The following BBS10 variants were observed in gnomAD, a reference collection of about 807,000 sequenced individuals.
BBS10 encodes Bardet-Biedl syndrome 10, also known as BBSome complex assembly protein BBS10.
Under a neutral mutation model 12.7 loss-of-function variants are expected in BBS10, and 13 were observed. The ratio of observed to expected loss-of-function variants is 1.03; its 90% confidence interval spans 0.67 to 1.63. The LOEUF (loss-of-function observed/expected upper bound fraction) is 1.63, where lower values mean the gene tolerates loss of function less well. BBS10 is among the 40% of genes most tolerant of loss of function. The pLI is 0.00. For synonymous variants in BBS10, 294 were observed against 304.8 expected, an observed-to-expected ratio of 0.96 and a Z score of 0.37; for missense variants, 858 against 858.0, an observed-to-expected ratio of 1.00 and a Z score of 0.00.
chr12:76,348,056 C>T, intron 1 of BBS10, 106 bp downstream of exon 1: 1 of 1,338,130 alleles, frequency 7.5e-7, no homozygotes, highest in Admixed American at 2.3e-5. Context: ...AGCGGTTTCA[C>T]CCGAGGTCAG....
intron 1 of BBS10, 48 bp downstream of exon 1, chr12:76,348,114 G>A (rs1179144824): frequency 1.9e-6 from 3 of 1,563,982 alleles, no homozygotes; most frequent in Non-Finnish European, 8.7e-7. Flanking sequence ...GCTCCACAGA[G>A]GCTGCCTGGG....
Position 76,345,772 on chromosome 12 carries a change from T to G in BBS10, c.*41A>C. ...GGTCACATGACTGCTTTACTTGGCTTGAGTTAGATGAAAAGTTTGGTTAAT... is the reference window on the plus strand; with the variant it reads ...GGTCACATGACTGCTTTACTTGGCTGGAGTTAGATGAAAAGTTTGGTTAAT... On this transcript the variant is annotated 3_prime_UTR_variant, in exon 2 of 2. Transcript: ENST00000650064. The G allele has an allele frequency of 1.3e-5, 20 of 1,567,080 alleles. No homozygotes were observed. The highest frequency in any genetic ancestry group is 2.2e-5 in the East Asian group (1 of 44,576).
rs1393527476 is a variant in BBS10, at chr12:76,348,408, C to G, written c.-50G>C. 6 of 1,542,104 alleles carry G rather than the reference C, an allele frequency of 3.9e-6. No homozygotes were observed. The highest frequency in any genetic ancestry group is 3.9e-5 in the Admixed American group (2 of 51,054). ...CCAGCTTGCAGAACACCCGGGCCGA[C>G]CGAAAACAGGGGTGGGAACGGCCGG... On this transcript the variant is annotated 5_prime_UTR_variant, in exon 1 of 2. Coordinates refer to ENST00000650064, the MANE Select transcript of BBS10 (RefSeq NM_024685.4).
chr12:76,346,508 A>G lies in BBS10; in HGVS notation c.1477T>C (p.Leu493=), dbSNP rs543722869. 27 of 1,614,086 alleles carry G rather than the reference A, an allele frequency of 1.7e-5. No homozygotes were observed. Among genetic ancestry groups the G allele is most frequent in the Non-Finnish European group, 2.2e-5 (26 of 1,179,942 alleles). Residue 493 remains leucine (L), a synonymous_variant, in exon 2 of 2, where the codon TTG becomes CTG. Transcript: ENST00000650064. ...TCTAATTCTACATCTGGAATTACCA[A>G]ATTAGAATGTACTTTTAAATATGTT... The part of the protein sequence containing the change: ...TQTYLKVHSN[L]VIPDVELETY...
chr12:76,347,848 C>T, intron 1 of BBS10, 61 bp from the exon 2 acceptor site: 4 of 1,520,332 alleles, frequency 2.6e-6, no homozygotes, highest in Non-Finnish European at 3.6e-6. Context: ...CATCTTAAAA[C>T]CATGTTTACA....
At position 76,347,649 on chromosome 12, in the gene BBS10, G is replaced by A. The variant is rs1951771752; in HGVS notation, c.336C>T (p.Asn112=). ...DREKDPLMCE[N]IQTHGRHWKN... ...TCCAATGCCTTCCATGGGTTTGAAT[G>A]TTTTCACACATCAAAGGATCCTTTT... is the stretch of plus-strand genomic sequence containing the variant. Residue 112 remains asparagine (N), a synonymous_variant, in exon 2 of 2, where the codon AAC becomes AAT. Coordinates refer to ENST00000650064, the MANE Select transcript of BBS10 (RefSeq NM_024685.4). 1.2e-6 allele frequency: 2 copies of A among 1,613,634 alleles called. No individual in the cohort carries two copies. Among genetic ancestry groups the A allele is most frequent in the Non-Finnish European group, 1.7e-6 (2 of 1,180,000 alleles).
In BBS10 at chr12:76,346,514, A is replaced by G; in HGVS notation, c.1471T>C (p.Ser491Pro). 1 of 1,614,074 alleles carries G rather than the reference A, an allele frequency of 6.2e-7. No homozygotes were observed. The highest frequency in any genetic ancestry group is 8.5e-7 in the Non-Finnish European group (1 of 1,179,972). ...TCTACATCTGGAATTACCAAATTAG[A>G]ATGTACTTTTAAATATGTTTGAGTT... ...EKTQTYLKVH[S>P]NLVIPDVELE... The change falls in exon 2 of 2, where the codon TCT becomes CCT. Residue 491 changes from serine (S) to proline (P), a missense_variant. Coordinates refer to ENST00000650064, the MANE Select transcript of BBS10 (RefSeq NM_024685.4).
At position 76,347,413 on chromosome 12, in the gene BBS10, GAAAT is replaced by G. The variant is rs1057516266; in HGVS notation, c.568_571del (p.Ile190HisfsTer3). The G allele has an allele frequency of 1.2e-6, 2 of 1,613,740 alleles. No homozygotes were observed. The highest frequency in any genetic ancestry group is 1.7e-5 in the Admixed American group (1 of 59,974). ...GAAAAAGTAGTCACACATCAACTGT[GAAAT>G]AAATTTATGATTATTTCTTCCCACT... On this transcript the variant is annotated frameshift_variant, in exon 2 of 2. Coordinates refer to ENST00000650064, the MANE Select transcript of BBS10 (RefSeq NM_024685.4). LOFTEE classifies it low-confidence loss of function (END_TRUNC).
Position 76,346,699 on chromosome 12 carries a change from T to C in BBS10, c.1286A>G (p.Asp429Gly), listed in dbSNP as rs1177285443. The change falls in exon 2 of 2, where the codon GAT becomes GGT. Residue 429 changes from aspartate (D) to glycine (G), a missense_variant. Asp to Gly is a moderately conservative substitution (Grantham distance 94, BLOSUM62 -1). Coordinates refer to ENST00000650064, the MANE Select transcript of BBS10 (RefSeq NM_024685.4). ...KMLRQLFKDL[D>G]LNYMTQTNDQ... ...ATTGGTTTGTGTCATGTAATTTAGA[T>C]CAAGGTCTTTAAATAATTGCCGAAG... The C allele has an allele frequency of 1.2e-6, 2 of 1,614,150 alleles. No homozygotes were observed. The highest frequency in any genetic ancestry group is 1.3e-5 in the African/African-American group (1 of 75,050).
chr12:76,347,649 G>C lies in BBS10; in HGVS notation c.336C>G (p.Asn112Lys). The change falls in exon 2 of 2, where the codon AAC becomes AAG. Residue 112 changes from asparagine (N) to lysine (K), a missense_variant. Physicochemically the swap from Asn to Lys is moderately conservative, Grantham distance 94 (BLOSUM62 0). Coordinates refer to ENST00000650064, the MANE Select transcript of BBS10 (RefSeq NM_024685.4). ...TCCAATGCCTTCCATGGGTTTGAAT[G>C]TTTTCACACATCAAAGGATCCTTTT... is the stretch of plus-strand genomic sequence containing the variant. ...DREKDPLMCE[N>K]IQTHGRHWKN... The C allele has an allele frequency of 1.2e-6, 2 of 1,613,634 alleles. No individual in the cohort carries two copies. Among genetic ancestry groups the C allele is most frequent in the Non-Finnish European group, 1.7e-6 (2 of 1,180,000 alleles).
Position 76,346,217 on chromosome 12 carries a change from G to C in BBS10, c.1768C>G (p.Leu590Val). ...LPNMGTSQSY[L>V]SSSMPAGCVL... The stretch of plus-strand genomic sequence containing the variant: ...CAACCAGCTGGCATAGATGAGGAAA[G>C]GTAACTCTGGGAAGTACCCATATTC... Residue 590 changes from leucine to valine, a missense_variant, in exon 2 of 2, where the codon CTT becomes GTT. By Grantham distance (32) the Leu-to-Val change is conservative (BLOSUM62 1). Coordinates refer to ENST00000650064, the MANE Select transcript of BBS10 (RefSeq NM_024685.4). The C allele has an allele frequency of 6.2e-6, 10 of 1,611,688 alleles. No homozygotes were observed. Among genetic ancestry groups the C allele is most frequent in the Non-Finnish European group, 8.5e-6 (10 of 1,179,128 alleles).
Position 76,344,826 on chromosome 12 carries a change from G to C in BBS10, c.*987C>G, listed in dbSNP as rs1951747656. 6.6e-6 allele frequency: 1 copy of C among 152,024 alleles called. No homozygotes were observed. Among genetic ancestry groups the C allele is most frequent in the Non-Finnish European group, 1.5e-5 (1 of 67,980 alleles). 9.4% of individuals were successfully genotyped at this position (152,024 alleles called of 1,614,324 possible). A position where few individuals can be genotyped will look rare whatever the true frequency, so the allele number is the denominator to read the frequency against. On this transcript the variant is annotated 3_prime_UTR_variant, in exon 2 of 2. Transcript: ENST00000650064. Reference sequence around the variant, plus strand: ...ACTGTTTTGGGTATTACAGAGAACTGATAAAGGTAGAAAACACTGTCCTTG... The same window carrying C: ...ACTGTTTTGGGTATTACAGAGAACTCATAAAGGTAGAAAACACTGTCCTTG...
Position 76,346,194 on chromosome 12 carries a change from A to T in BBS10, c.1791T>A (p.Gly597=). 6.2e-7 allele frequency: 1 copy of T among 1,611,838 alleles called. No individual in the cohort carries two copies. Among genetic ancestry groups the T allele is most frequent in the Non-Finnish European group, 8.5e-7 (1 of 1,179,324 alleles). ...AATTACCACCTACTGGCAAAACACA[A>T]CCAGCTGGCATAGATGAGGAAAGGT... ...QSYLSSSMPA[G]CVLPVGGNFE... The change falls in exon 2 of 2, where the codon GGT becomes GGA. Residue 597 remains glycine, a synonymous_variant. Transcript: ENST00000650064.
rs746226798 is a variant in BBS10 at position 76,345,788 on chromosome 12, T to C, written c.*25A>G. On this transcript the variant is annotated 3_prime_UTR_variant, in exon 2 of 2. Coordinates refer to ENST00000650064, the MANE Select transcript of BBS10 (RefSeq NM_024685.4). ...TACTTGGCTTGAGTTAGATGAAAAG[T>C]TTGGTTAATTAAAAACTTCTGATGT... 1 of 1,601,508 alleles carries C rather than the reference T, an allele frequency of 6.2e-7. No individual in the cohort carries two copies. The highest frequency in any genetic ancestry group is 2.2e-5 in the East Asian group (1 of 44,802).
At position 76,347,637 on chromosome 12, in the gene BBS10, A is replaced by G; in HGVS notation, c.348T>C (p.His116=). The G allele has an allele frequency of 6.2e-7, 1 of 1,613,800 alleles. No homozygotes were observed. The highest frequency in any genetic ancestry group is 8.5e-7 in the Non-Finnish European group (1 of 1,180,004). Residue 116 remains histidine, a synonymous_variant, in exon 2 of 2, where the codon CAT becomes CAC. Coordinates refer to ENST00000650064, the MANE Select transcript of BBS10 (RefSeq NM_024685.4). ...GAGAACAATTTTTCCAATGCCTTCC[A>G]TGGGTTTGAATGTTTTCACACATCA... is the stretch of plus-strand genomic sequence containing the variant. ...DPLMCENIQT[H]GRHWKNCSRW... is the part of the protein sequence containing the mutation.
In BBS10 at chr12:76,345,746, T is replaced by C. The variant is rs1951752453; in HGVS notation, c.*67A>G. ...TAGACTGAACTGACTTTAGAACCAG[T>C]GGTCACATGACTGCTTTACTTGGCT... On this transcript the variant is annotated 3_prime_UTR_variant, in exon 2 of 2. Transcript: ENST00000650064. 2.8e-6 allele frequency: 4 copies of C among 1,410,296 alleles called. No homozygotes were observed. The allele number at this position is 1,410,296 out of a possible 1,614,324, so 87.4% of individuals were successfully genotyped here. A position where few individuals can be genotyped will look rare whatever the true frequency, so the allele number is the denominator to read the frequency against.
At chr12:76,347,927 A>C in intron 1 of BBS10, 140 bp from the exon 2 acceptor site, 2 of 1,102,870 alleles carry the variant, frequency 1.8e-6, no homozygotes, top group Non-Finnish European at 2.5e-6. Flanking sequence ...TCTTGGAAAA[A>C]ACTCTGCTCT....
At position 76,345,845 on chromosome 12, in the gene BBS10, CTTTCTGAGGGTGTCTCTTAA is replaced by C. The variant is rs1951753074; in HGVS notation, c.2120_2139del (p.Val707GlyfsTer9). On this transcript the variant is annotated frameshift_variant, in exon 2 of 2. Coordinates refer to ENST00000650064, the MANE Select transcript of BBS10 (RefSeq NM_024685.4). LOFTEE classifies it high-confidence loss of function. ...TCATCTTCTGAATCTTGATTGTGAA[CTTTCTGAGGGTGTCTCTTAA>C]CAGTGATTACCATGTCAATGGTTAA... The C allele has an allele frequency of 6.2e-7, 1 of 1,613,648 alleles. No homozygotes were observed. The highest frequency in any genetic ancestry group is 2.2e-5 in the East Asian group (1 of 44,882).
rs767495581 is a variant in BBS10, at chr12:76,348,355, A to G, written c.4T>C (p.Leu2=). The G allele has an allele frequency of 3.2e-6, 5 of 1,583,634 alleles. No homozygotes were observed. ...GACCCTGCAGCGGCCATAGAACTTA[A>G]CATATCTGGGCCGCTTCCCCTTTTT... The part of the protein sequence containing the change: M[L]SSMAAAGSVK... The change falls in exon 1 of 2, where the codon TTA becomes CTA. Residue 2 remains leucine, a synonymous_variant. Transcript: ENST00000650064.
Sources: gnomAD v4.1 joint callset for allele counts on GRCh38, gnomAD v4.1.1 for gene constraint, MANE v1.5 for transcripts, NCBI Gene and HGNC (gene_info 2026-07-23, HGNC 2026-07-21) for gene names.